RSPRY1: variants seen among roughly 807,000 people sequenced by gnomAD.
The protein encoded by RSPRY1 is ring finger and SPRY domain containing 1.
Under a neutral mutation model 73.1 loss-of-function variants are expected in RSPRY1, and 23 were observed. The ratio of observed to expected loss-of-function variants is 0.31; its 90% CI spans 0.23 to 0.45. RSPRY1 has a LOEUF of 0.45. RSPRY1 is among the 20% of genes least tolerant of loss of function. RSPRY1 has a pLI of 1.00. For missense variants in RSPRY1, 448 were observed against 698.7 expected (o/e 0.64, Z 4.05); for synonymous variants, 226 against 251.4 (o/e 0.90, Z 0.95).
intron 3 of RSPRY1, 145 bp downstream of exon 3, chr16:57,208,255 G>C (rs1468467017): frequency 9.1e-6 from 3 of 331,478 alleles, no homozygotes; most frequent in Admixed American, 9.2e-5. Flanking sequence ...AGCCCTTACT[G>C]TATGGAAATT....
intron 6 of RSPRY1, among the ~76,000 whole-genome samples, chr16:57,214,639 G>A (rs2074906119): frequency 6.6e-6 from 1 of 152,222 alleles, no homozygotes; most frequent in Non-Finnish European, 1.5e-5. Context: ...GATTTCAAGA[G>A]GTTTATTGGT....
rs1025369477 is a variant in RSPRY1 at position 57,216,945 on chromosome 16, C to T, written c.811C>T (p.Arg271Trp). The change falls in exon 8 of 15, where the codon CGG (arginine) becomes TGG (tryptophan). Residue 271 changes from arginine (R) to tryptophan (W), a missense_variant. Arg to Trp is a moderately radical substitution (Grantham distance 101). Coordinates refer to ENST00000394420, the MANE Select transcript of RSPRY1 (RefSeq NM_133368.3). Reference protein sequence around the residue: ...LTISESSISDRLVTLESWAND... With the variant: ...LTISESSISDWLVTLESWAND... The stretch of plus-strand genomic sequence containing the variant: ...TATTTCTGAATCCAGTATTAGTGAC[C>T]GGCTTGTCACATTGGAGTCCTGGGC... 24 of 1,612,926 alleles carry T rather than the reference C, an allele frequency of 1.5e-5. No homozygotes were observed. The highest frequency in any genetic ancestry group is 6.7e-5 in the East Asian group (3 of 44,876).
intron 1 of RSPRY1, among the ~76,000 whole-genome samples, chr16:57,196,035 AT>A (rs1450771071): frequency 1.1e-3 from 53 of 49,994 alleles, no homozygotes; most frequent in African/African-American, 3.3e-3. Flanking sequence ...AAAAAAAAAA[AT>A]ATATATATAT....
At chr16:57,200,869 C>T (rs1427153315) in intron 1 of RSPRY1, among the ~76,000 whole-genome samples, 4 of 135,476 alleles carry the variant, frequency 3.0e-5, no homozygotes, top group Non-Finnish European at 4.8e-5. Context: ...GGCGGCTGGC[C>T]GGGCAGAGGG....
chr16:57,211,562 C>T (rs1167473771), intron 4 of RSPRY1, among the ~76,000 whole-genome samples: 1 of 152,098 alleles, frequency 6.6e-6, no homozygotes, highest in Admixed American at 6.5e-5. Context: ...GAGTGAGACT[C>T]CATCTCAACA....
chr16:57,217,137 C>G, intron 8 of RSPRY1, 102 bp downstream of exon 8: 1 of 1,289,122 alleles, frequency 7.8e-7, no homozygotes, highest in South Asian at 1.3e-5. Flanking sequence ...AGTATGAGTC[C>G]TCATAAGGAC....
chr16:57,197,989 G>A (rs1256533980), intron 1 of RSPRY1, among the ~76,000 whole-genome samples: 1 of 148,108 alleles, frequency 6.8e-6, no homozygotes, highest in Non-Finnish European at 1.5e-5. Flanking sequence ...GCCTCCCAAA[G>A]TGCTGGGATT....
chr16:57,221,656 A>C (rs1020860051), intron 10 of RSPRY1, among the ~76,000 whole-genome samples: 2 of 152,062 alleles, frequency 1.3e-5, no homozygotes, highest in Non-Finnish European at 2.9e-5. Flanking sequence ...CTAATTTTTC[A>C]CCTAGAGGCT....
intron 7 of RSPRY1, 56 bp from the exon 8 acceptor site, chr16:57,216,848 G>A (rs2074949531): frequency 6.5e-7 from 1 of 1,538,194 alleles, no homozygotes; most frequent in East Asian, 2.3e-5. Context: ...CTAATTTGCT[G>A]AGCAAATCAT....
At chr16:57,187,553 G>GC (rs1177821763) in intron 1 of RSPRY1, among the ~76,000 whole-genome samples, 6 of 152,168 alleles carry the variant, frequency 3.9e-5, no homozygotes, top group African/African-American at 1.4e-4. Context: ...AATAACCAGC[G>GC]CAGTATGTGA....
intron 13 of RSPRY1, among the ~76,000 whole-genome samples, chr16:57,234,688 G>A (rs1039998267): frequency 4.6e-5 from 7 of 152,224 alleles, no homozygotes; most frequent in African/African-American, 1.7e-4. Context: ...TGGACTTGCA[G>A]GGAGTCTAAA....
intron 4 of RSPRY1, among the ~76,000 whole-genome samples, chr16:57,209,730 G>A (rs757414627): frequency 1.3e-5 from 2 of 152,052 alleles, no homozygotes; most frequent in Non-Finnish European, 2.9e-5. Flanking sequence ...CTGGCGTGCA[G>A]TAGAGCAATC....
intron 2 of RSPRY1, among the ~76,000 whole-genome samples, chr16:57,206,392 C>T (rs1362021463): frequency 1.3e-5 from 2 of 152,076 alleles, no homozygotes; most frequent in Admixed American, 6.5e-5. Flanking sequence ...GGCAATAGAG[C>T]AAGACCCTGT....
chr16:57,187,059 C>G (rs1401564564), intron 1 of RSPRY1: 8 of 152,122 alleles, frequency 5.3e-5, no homozygotes, highest in Admixed American at 5.2e-4. Context: ...GGGTAAGGAC[C>G]TTGGGGAGAG....
chr16:57,233,414 T>C (rs2075255706), intron 13 of RSPRY1, among the ~76,000 whole-genome samples: 1 of 152,154 alleles, frequency 6.6e-6, no homozygotes, highest in South Asian at 2.1e-4. Flanking sequence ...CTCACTCTGT[T>C]GCCCAGGAGT....
At chr16:57,237,970 AG>A (rs2075325556) in intron 14 of RSPRY1, among the ~76,000 whole-genome samples, 1 of 152,240 alleles carries the variant, frequency 6.6e-6, no homozygotes, top group African/African-American at 2.4e-5. Context: ...GTTGGGAATA[AG>A]ATAAGGATGC....
chr16:57,204,484 T>G lies in RSPRY1; in HGVS notation c.-155-20T>G. On this transcript the variant is annotated intron_variant, in intron 1 of 14. Transcript: ENST00000394420. Reference sequence around the variant, plus strand: ...GTCAAGAATCTTTTATTCATTTTCCTTTTTCTCATTTTCTTTTAGAACTGC... The same window carrying G: ...GTCAAGAATCTTTTATTCATTTTCCGTTTTCTCATTTTCTTTTAGAACTGC... The G allele has an allele frequency of 3.3e-6, 2 of 609,032 alleles. No homozygotes were observed. Among genetic ancestry groups the G allele is most frequent in the Non-Finnish European group, 2.9e-6 (1 of 346,472 alleles). 37.7% of individuals were successfully genotyped at this position (609,032 alleles called of 1,614,324 possible).
At chr16:57,223,249 C>T (rs2075067432) in intron 10 of RSPRY1, among the ~76,000 whole-genome samples, 2 of 152,196 alleles carry the variant, frequency 1.3e-5, no homozygotes, top group Non-Finnish European at 2.9e-5. Context: ...TCCTAGGATA[C>T]ACCCAGTTTC....
chr16:57,195,294 C>G (rs2074419712), intron 1 of RSPRY1, among the ~76,000 whole-genome samples: 1 of 151,272 alleles, frequency 6.6e-6, no homozygotes, highest in Admixed American at 6.6e-5. Flanking sequence ...GGCAGATCAC[C>G]TGAGATCAGG....
Sources: gnomAD v4.1 joint callset for allele counts (sites outside exome capture counted in the v4.1 genomes callset) on GRCh38, gnomAD v4.1.1 for gene constraint, MANE v1.5 for transcripts, NCBI Gene and HGNC (gene_info 2026-07-23, HGNC 2026-07-21) for gene names.